The following ABLIM2 variants were observed in gnomAD, a reference collection of about 807,000 sequenced individuals.
ABLIM2 encodes actin-binding LIM protein 2.
ABLIM2 carries 53 observed loss-of-function variants against 97.7 expected under a neutral mutation model. The observed-to-expected ratio is 0.54, with a 90% CI of 0.44 to 0.68. The LOEUF (loss-of-function observed/expected upper bound fraction) is 0.68. Ranked by LOEUF, ABLIM2 falls within the 30% of genes least tolerant of loss-of-function variation. The probability of loss-of-function intolerance (pLI) is 0.00; values close to 1 mark genes in which losing one functional copy is unlikely to be tolerated. For synonymous variants in ABLIM2, 361 were observed against 345.8 expected (o/e 1.04, Z -0.49); for missense variants, 835 against 867.2 (o/e 0.96, Z 0.47).
At position 8,125,398 on chromosome 4, in the gene ABLIM2, T is replaced by C. The variant is rs1197430078; in HGVS notation, c.11-18761A>G. 6.6e-6 allele frequency among the ~76,000 whole-genome samples: 1 copy of C among 152,282 alleles called. No homozygotes were observed. ...TTTTACACAAATAGAATTGCATCTA[T>C]GTGACTGCTAGTTTTAATTGTGGAT... is the stretch of plus-strand genomic sequence containing the variant. On this transcript the variant is annotated intron_variant, in intron 1 of 20. Coordinates refer to ENST00000447017, the MANE Select transcript of ABLIM2 (RefSeq NM_001130083.2). The surrounding 1 kb of genome is among the most constrained non-coding windows in gnomAD (Gnocchi z 6.2).
Position 8,129,825 on chromosome 4 carries a change from A to AC in ABLIM2, c.11-23189dup, listed in dbSNP as rs139401401. Among the ~76,000 whole-genome samples, 847 of 151,558 alleles carry AC rather than the reference A, an allele frequency of 5.6e-3. 9 individuals are homozygous for AC. The highest frequency in any genetic ancestry group is 0.019 in the African/African-American group (794 of 41,370). On this transcript the variant is annotated intron_variant, in intron 1 of 20. Transcript: ENST00000447017. The stretch of plus-strand genomic sequence containing the variant: ...GAAGAGGCCATAATGATCACCGGCC[A>AC]CCCCCTCCCCGCCATTGTACGGATG...
rs1167615555 is a variant in ABLIM2 at position 7,980,941 on chromosome 4, ATTTTTTT to A, written c.1824+2316_1824+2322del. Among the ~76,000 whole-genome samples, 23 of 82,982 alleles carry A rather than the reference ATTTTTTT, an allele frequency of 2.8e-4. 1 individual carries two copies. The South Asian group carries it at 8.0e-3, about 29-fold the overall frequency. 54.4% of individuals were successfully genotyped at this position (82,982 alleles called of 152,430 possible). ...AGAACCATGGTCTCCACAACCCCTT[ATTTTTTT>A]TTTTTTTTTTTTTGAGATGGAGTCT... On this transcript the variant is annotated intron_variant, in intron 20 of 20. Transcript: ENST00000447017.
At chr4:8,066,140 A>G (rs1807105261) in intron 6 of ABLIM2, among the ~76,000 whole-genome samples, 1 of 149,840 alleles carries the variant, frequency 6.7e-6, no homozygotes, top group African/African-American at 2.5e-5. Context: ...TCTCTACTAA[A>G]AAAAAATTAC....
At position 8,033,466 on chromosome 4, in the gene ABLIM2, C is replaced by CT. The variant is rs1782280917; in HGVS notation, c.1047+2682dup. On this transcript the variant is annotated intron_variant, in intron 10 of 20. Coordinates refer to ENST00000447017, the MANE Select transcript of ABLIM2 (RefSeq NM_001130083.2). The surrounding 1 kb of genome is among the most constrained non-coding windows in gnomAD (Gnocchi z 4.5). ...TGGAATCAAGGGAGAAACCCTCAGG[C>CT]TGCTCCCGGCCATCGGCATAGAGGA... Among the ~76,000 whole-genome samples the CT allele has an allele frequency of 6.6e-6, 1 of 152,240 alleles. No individual in the cohort carries two copies. Among genetic ancestry groups the CT allele is most frequent in the Non-Finnish European group, 1.5e-5 (1 of 68,044 alleles).
intron 8 of ABLIM2, among the ~76,000 whole-genome samples, chr4:8,052,228 T>G (rs763389106): frequency 6.6e-6 from 1 of 152,206 alleles, no homozygotes; most frequent in Non-Finnish European, 1.5e-5. Context: ...TCTGGTGGCC[T>G]TGGCGTGAGA....
intron 16 of ABLIM2, chr4:8,007,051 C>G: frequency 1.0e-6 from 1 of 985,434 alleles, no homozygotes; most frequent in African/African-American, 1.7e-5. Context: ...GATTCTTTAA[C>G]ACATCATCAT....
chr4:7,970,237 A>G lies in ABLIM2; in HGVS notation c.1825-3134T>C, dbSNP rs1276537195. On this transcript the variant is annotated intron_variant, in intron 20 of 20. Transcript: ENST00000447017. This position sits in a 1 kb window ranked among gnomAD's most constrained non-coding sequence, Gnocchi z 5.3. ...GTAAAGGAGGGGAGGCTGACACCGG[A>G]AGGGCGAGGAGAGTTCAGTGCTGGT... Among the ~76,000 whole-genome samples, 1 of 152,074 alleles carries G rather than the reference A, an allele frequency of 6.6e-6. No individual in the cohort carries two copies. Among genetic ancestry groups the G allele is most frequent in the Non-Finnish European group, 1.5e-5 (1 of 68,010 alleles).
At chr4:8,143,893 G>A (rs1229178411) in intron 1 of ABLIM2, among the ~76,000 whole-genome samples, 1 of 152,186 alleles carries the variant, frequency 6.6e-6, no homozygotes, top group African/African-American at 2.4e-5. Context: ...AGGCTGGGGG[G>A]TCTTCTGTGA....
intron 20 of ABLIM2, among the ~76,000 whole-genome samples, chr4:7,977,093 G>A (rs1030022525): frequency 1.7e-4 from 26 of 152,132 alleles, no homozygotes; most frequent in African/African-American, 6.3e-4. Flanking sequence ...CCTGGGGGTG[G>A]TTTCCCCCAT....
At chr4:8,110,658 G>A (rs1384442941) in intron 1 of ABLIM2, among the ~76,000 whole-genome samples, 4 of 151,928 alleles carry the variant, frequency 2.6e-5, no homozygotes, top group South Asian at 2.1e-4. Flanking sequence ...CGGGGGTGGC[G>A]GGGGTGGGGT....
chr4:8,047,159 G>T (rs971509934), intron 8 of ABLIM2, among the ~76,000 whole-genome samples: 1 of 152,182 alleles, frequency 6.6e-6, no homozygotes, highest in East Asian at 1.9e-4. Context: ...AACCCTGTGC[G>T]GCATGTGGGT....
At position 8,015,824 on chromosome 4, in the gene ABLIM2, ATGT is replaced by A. The variant is rs574657352; in HGVS notation, c.1423+3791_1423+3793del. Among the ~76,000 whole-genome samples the A allele has an allele frequency of 5.1e-4, 77 of 152,200 alleles. No homozygotes were observed. The highest frequency in any genetic ancestry group is 1.6e-3 in the African/African-American group (67 of 41,520). ...TCTGGAGAGTCGAACTTACTGGGAAATGTTGGGGAGCCATCATTTTTCCCTCAT... is the reference window on the plus strand; with the variant it reads ...TCTGGAGAGTCGAACTTACTGGGAAATGGGGAGCCATCATTTTTCCCTCAT... On this transcript the variant is annotated intron_variant, in intron 14 of 20. Transcript: ENST00000447017. This position sits in a 1 kb window ranked among gnomAD's most constrained non-coding sequence, Gnocchi z 4.6.
At chr4:8,050,221 G>A (rs1795086196) in intron 8 of ABLIM2, among the ~76,000 whole-genome samples, 1 of 152,182 alleles carries the variant, frequency 6.6e-6, no homozygotes, top group African/African-American at 2.4e-5. Context: ...CTGTGTCATG[G>A]TCACTCATAT....
At chr4:7,974,628 C>T (rs955680399) in intron 20 of ABLIM2, among the ~76,000 whole-genome samples, 10 of 149,744 alleles carry the variant, frequency 6.7e-5, no homozygotes, top group Admixed American at 5.3e-4. Context: ...CATCCATCCA[C>T]CCATCCATGC....
At chr4:8,059,520 C>T (rs961488662) in intron 7 of ABLIM2, among the ~76,000 whole-genome samples, 3 of 152,122 alleles carry the variant, frequency 2.0e-5, no homozygotes, top group Non-Finnish European at 2.9e-5. Flanking sequence ...CCCTGTCCCC[C>T]GGCCCCCCCA....
chr4:8,018,817 T>C (rs182838256), intron 14 of ABLIM2, among the ~76,000 whole-genome samples: 83 of 152,360 alleles, frequency 5.4e-4, no homozygotes, highest in Admixed American at 9.8e-4. Context: ...ATTCCCATCA[T>C]GTGCACAGCA....
At position 8,120,643 on chromosome 4, in the gene ABLIM2, C is replaced by G. The variant is rs372145188; in HGVS notation, c.11-14006G>C. 3.0e-4 allele frequency among the ~76,000 whole-genome samples: 45 copies of G among 152,300 alleles called. No homozygotes were observed. Among genetic ancestry groups the G allele is most frequent in the African/African-American group, 1.1e-3 (45 of 41,552 alleles). ...GGATGCACATCTGCCAGTCCAGCCCCCATCTGTGTGCTCTGTCGTGGGAGC... is the reference window on the plus strand; with the variant it reads ...GGATGCACATCTGCCAGTCCAGCCCGCATCTGTGTGCTCTGTCGTGGGAGC... On this transcript the variant is annotated intron_variant, in intron 1 of 20. Coordinates refer to ENST00000447017, the MANE Select transcript of ABLIM2 (RefSeq NM_001130083.2). The surrounding 1 kb of genome is among the most constrained non-coding windows in gnomAD (Gnocchi z 5.6).
intron 19 of ABLIM2, 66 bp downstream of exon 19, chr4:7,983,481 A>G (rs1577894921): frequency 7.5e-6 from 12 of 1,605,476 alleles, no homozygotes; most frequent in East Asian, 4.5e-5. Flanking sequence ...AGCACAACAG[A>G]AAGGACTTTT....
chr4:8,101,745 T>C lies in ABLIM2; in HGVS notation c.155-4463A>G, dbSNP rs544753974. 3.3e-5 allele frequency among the ~76,000 whole-genome samples: 5 copies of C among 152,228 alleles called. No individual in the cohort carries two copies. The South Asian group carries it at 1.0e-3, about 31-fold the overall frequency. On this transcript the variant is annotated intron_variant, in intron 2 of 20. Coordinates refer to ENST00000447017, the MANE Select transcript of ABLIM2 (RefSeq NM_001130083.2). ...ACATGGGTGTGGCCTCATCTTTTCATCATTGCATTAACAACACATCACAGT... is the reference window on the plus strand; with the variant it reads ...ACATGGGTGTGGCCTCATCTTTTCACCATTGCATTAACAACACATCACAGT...
Sources: allele counts gnomAD v4.1 joint callset (sites outside exome capture counted in the v4.1 genomes callset), GRCh38; gene constraint gnomAD v4.1.1; non-coding constraint Gnocchi (gnomAD v3.1); transcripts MANE v1.5; gene names NCBI Gene and HGNC (gene_info 2026-07-23, HGNC 2026-07-21).